CTSF: variants seen among roughly 807,000 people sequenced by gnomAD.
CTSF encodes the protein cathepsin F.
Under a neutral mutation model 63.5 loss-of-function variants are expected in CTSF, and 65 were observed. The observed-to-expected ratio is 1.02, with a 90% CI of 0.84 to 1.26. The LOEUF is 1.26. CTSF is among the 50% of genes most tolerant of loss of function. The pLI, the probability that CTSF is intolerant of heterozygous loss-of-function variation, is 0.00. For missense variants in CTSF, 641 were observed against 631.0 expected (o/e 1.02, Z -0.17); for synonymous variants, 256 against 258.1 (o/e 0.99, Z 0.08).
rs746980424 is a variant in CTSF at position 66,564,139 on chromosome 11, G to T, written c.1329C>A (p.Asp443Glu). 1.2e-6 allele frequency: 2 copies of T among 1,611,692 alleles called. No individual in the cohort carries two copies. Among genetic ancestry groups the T allele is most frequent in the Admixed American group, 3.4e-5 (2 of 59,590 alleles). The change falls in exon 12 of 13, where the codon GAC (aspartate) becomes GAA (glutamate). Residue 443 changes from aspartate (D) to glutamate (E), a missense_variant. Transcript: ENST00000310325. Reference protein sequence around the residue: ...VLLVGYGNRSDVPFWAIKNSW... With the variant: ...VLLVGYGNRSEVPFWAIKNSW... ...TGTTCTTGATGGCCCAAAAGGGAAC[G>T]TCAGAGCCTGGGGTGCAGTGCAGAG...
intron 4 of CTSF, among the ~76,000 whole-genome samples, chr11:66,566,853 A>G (rs1018289423): frequency 6.6e-6 from 1 of 151,796 alleles, no homozygotes; most frequent in African/African-American, 2.4e-5. Context: ...CCTCCCGAGT[A>G]GCTGGTATAC....
At position 66,564,741 on chromosome 11, in the gene CTSF, C is replaced by T. The variant is rs1405242098; in HGVS notation, c.1230+1G>A. On this transcript the variant is annotated splice_donor_variant, in intron 10 of 12. Transcript: ENST00000310325. LOFTEE classifies it high-confidence loss of function. ...CAGGGGCAGTGGGGCTAGGGCCTCACCTGCATGCCAAAGGCATTGATGGCC... is the reference window on the plus strand; with the variant it reads ...CAGGGGCAGTGGGGCTAGGGCCTCATCTGCATGCCAAAGGCATTGATGGCC... The T allele has an allele frequency of 6.2e-7, 1 of 1,614,014 alleles. No individual in the cohort carries two copies. The highest frequency in any genetic ancestry group is 1.1e-5 in the South Asian group (1 of 91,092).
At chr11:66,567,216 G>A in intron 4 of CTSF, 30 bp downstream of exon 4, 1 of 1,611,838 alleles carries the variant, frequency 6.2e-7, no homozygotes, top group Non-Finnish European at 8.5e-7. Flanking sequence ...GTTCTGATAG[G>A]AACAGGTACA....
chr11:66,565,765 G>A lies in CTSF; in HGVS notation c.965-14C>T. On this transcript the variant is annotated splice_polypyrimidine_tract_variant and intron_variant, in intron 7 of 12. Coordinates refer to ENST00000310325, the MANE Select transcript of CTSF (RefSeq NM_003793.4). ...AGTCCAAGAGCTCTAGGAGACAGAA[G>A]GCTGGTCCCAAGAAGCCCTCCTGAG... The A allele has an allele frequency of 3.1e-6, 5 of 1,613,940 alleles. No individual in the cohort carries two copies. Among genetic ancestry groups the A allele is most frequent in the Non-Finnish European group, 4.2e-6 (5 of 1,180,046 alleles).
rs775450020 is a variant in CTSF, at chr11:66,564,022, G to A, written c.1381-15C>T. On this transcript the variant is annotated splice_polypyrimidine_tract_variant and intron_variant, in intron 12 of 12. Coordinates refer to ENST00000310325, the MANE Select transcript of CTSF (RefSeq NM_003793.4). ...TAGTAGTAACCCTGGGGGAGAGGGG[G>A]AGCTGGTGAGGGCACCAGGGTAGGA... 2.5e-6 allele frequency: 4 copies of A among 1,613,958 alleles called. No individual in the cohort carries two copies. The highest frequency in any genetic ancestry group is 2.2e-5 in the South Asian group (2 of 91,084).
rs747319145 is a variant in CTSF at position 66,563,893 on chromosome 11, C to T, written c.*40G>A. 162 of 1,610,062 alleles carry T rather than the reference C, an allele frequency of 1.0e-4. No homozygotes were observed. Among genetic ancestry groups the T allele is most frequent in the Non-Finnish European group, 1.3e-4 (149 of 1,179,292 alleles). Reference sequence around the variant, plus strand: ...ACACATGTCAGGCTGGGGCAGCAGCCACTCTGATCAGCACCAGGTCCCGAG... The same window carrying T: ...ACACATGTCAGGCTGGGGCAGCAGCTACTCTGATCAGCACCAGGTCCCGAG... On this transcript the variant is annotated 3_prime_UTR_variant, in exon 13 of 13. Coordinates refer to ENST00000310325, the MANE Select transcript of CTSF (RefSeq NM_003793.4).
In CTSF at chr11:66,565,105, G is replaced by A; in HGVS notation, c.1046-99C>T. On this transcript the variant is annotated intron_variant, in intron 8 of 12. Transcript: ENST00000310325. ...CTCTACGCGAGGTTTCACATTCCTC[G>A]TCCACCCCAGGCCACAGGCCATCCC... is the stretch of plus-strand genomic sequence containing the variant. The A allele has an allele frequency of 4.7e-6, 7 of 1,490,542 alleles. No individual in the cohort carries two copies. In the South Asian group the frequency reaches 6.9e-5, roughly 15 times the overall value. 92.3% of individuals were successfully genotyped at this position (1,490,542 alleles called of 1,614,324 possible). A position where few individuals can be genotyped will look rare whatever the true frequency, so the allele number is the denominator to read the frequency against.
Position 66,568,356 on chromosome 11 carries a change from C to T in CTSF, c.131G>A (p.Arg44His), listed in dbSNP as rs1269462520. Residue 44 changes from arginine to histidine, a missense_variant, in exon 1 of 13, where the codon CGC becomes CAC. Physicochemically the swap from Arg to His is conservative, Grantham distance 29. Transcript: ENST00000310325. Reference protein sequence around the residue: ...PPSPELLAPTRFALEMFNRGR... With the variant: ...PPSPELLAPTHFALEMFNRGR... ...GCGGTTGAACATCTCCAGCGCGAAGCGGGTGGGCGCCAGCAGCTCCGGGGA... is the reference window on the plus strand; with the variant it reads ...GCGGTTGAACATCTCCAGCGCGAAGTGGGTGGGCGCCAGCAGCTCCGGGGA... The T allele has an allele frequency of 9.2e-6, 12 of 1,305,106 alleles. No individual in the cohort carries two copies. The highest frequency in any genetic ancestry group is 1.2e-5 in the Non-Finnish European group (12 of 1,035,494). The allele number at this position is 1,305,106 out of a possible 1,614,324, so 80.8% of individuals were successfully genotyped here. A position where few individuals can be genotyped will look rare whatever the true frequency, so the allele number is the denominator to read the frequency against.
chr11:66,565,773 C>A (rs1312631608), intron 7 of CTSF, 22 bp from the exon 8 acceptor site: 1 of 1,613,906 alleles, frequency 6.2e-7, no homozygotes, highest in Non-Finnish European at 8.5e-7. Flanking sequence ...AAGGCTGGTC[C>A]CAAGAAGCCC....
In CTSF at chr11:66,568,545, C is replaced by T. The variant is rs976073100; in HGVS notation, c.-59G>A. On this transcript the variant is annotated 5_prime_UTR_variant, in exon 1 of 13. Coordinates refer to ENST00000310325, the MANE Select transcript of CTSF (RefSeq NM_003793.4). ...GACGCTCCACCGACCCACCGGGTACCGAGCCCGCGGCCAGCGGGGCCTGAG... is the reference window on the plus strand; with the variant it reads ...GACGCTCCACCGACCCACCGGGTACTGAGCCCGCGGCCAGCGGGGCCTGAG... The T allele has an allele frequency of 1.8e-5, 27 of 1,461,754 alleles. No homozygotes were observed. The highest frequency in any genetic ancestry group is 2.6e-5 in the South Asian group (2 of 76,878). 90.5% of individuals were successfully genotyped at this position (1,461,754 alleles called of 1,614,324 possible). A position where few individuals can be genotyped will look rare whatever the true frequency, so the allele number is the denominator to read the frequency against.
In CTSF at chr11:66,567,593, C is replaced by T. The variant is rs771061622; in HGVS notation, c.382G>A (p.Asp128Asn). 7 of 1,614,224 alleles carry T rather than the reference C, an allele frequency of 4.3e-6. No individual in the cohort carries two copies. The highest frequency in any genetic ancestry group is 5.1e-6 in the Non-Finnish European group (6 of 1,180,038). The change falls in exon 3 of 13, where the codon GAC becomes AAC. Residue 128 changes from aspartate (D) to asparagine (N), a missense_variant. Physicochemically the swap from Asp to Asn is conservative, Grantham distance 23. Coordinates refer to ENST00000310325, the MANE Select transcript of CTSF (RefSeq NM_003793.4). ...VLLRKDCGPV[D>N]TKVPGAGEPK... is the part of the protein sequence containing the mutation. ...TCCCCAGCACCTGGAACCTTGGTGT[C>T]CACTGGGCCACAGTCCTTCCGCAGC...
Position 66,568,011 on chromosome 11 carries a change from G to T in CTSF, c.285C>A (p.Cys95Ter). 1 of 1,596,714 alleles carries T rather than the reference G, an allele frequency of 6.3e-7. No homozygotes were observed. Among genetic ancestry groups the T allele is most frequent in the Non-Finnish European group, 8.5e-7 (1 of 1,173,032 alleles). ...EEPPCNDPMVCRLPVSKKTLL... is the reference protein window; with the variant it reads ...EEPPCNDPMV ...GGGTTTTCTTGGACACGGGGAGCCG[G>T]CACACCATGGGGTCGTTGCAGGGTG... Residue 95 changes from cysteine to a stop codon, truncating the protein, a stop_gained, in exon 2 of 13, where the codon TGC becomes TGA. Transcript: ENST00000310325. LOFTEE classifies it high-confidence loss of function.
intron 8 of CTSF, 116 bp from the exon 9 acceptor site, chr11:66,565,122 G>T: frequency 6.8e-7 from 1 of 1,465,144 alleles, no homozygotes; most frequent in Non-Finnish European, 9.1e-7. Context: ...CCAGGCCACA[G>T]GCCATCCCCT....
chr11:66,565,560 G>A (rs1857909233), intron 8 of CTSF, 111 bp downstream of exon 8: 1 of 1,466,238 alleles, frequency 6.8e-7, no homozygotes, highest in African/African-American at 1.4e-5. Context: ...ATTAAGACCT[G>A]GACCCAGTTC....
At position 66,566,135 on chromosome 11, in the gene CTSF, G is replaced by C; in HGVS notation, c.754C>G (p.Leu252Val). 6.2e-7 allele frequency: 1 copy of C among 1,614,134 alleles called. No individual in the cohort carries two copies. The highest frequency in any genetic ancestry group is 1.1e-5 in the South Asian group (1 of 91,086). Residue 252 changes from leucine to valine, a missense_variant, in exon 6 of 13, where the codon CTC (leucine) becomes GTC (valine). Coordinates refer to ENST00000310325, the MANE Select transcript of CTSF (RefSeq NM_003793.4). ...EEFRTIYLNTLLRKEPGNKMK... is the reference protein window; with the variant it reads ...EEFRTIYLNTVLRKEPGNKMK... Reference sequence around the variant, plus strand: ...TTGTTGCCAGGCTCTTTCCTCAGGAGAGTATTCAGGTAGATAGTGCGGAAC... The same window carrying C: ...TTGTTGCCAGGCTCTTTCCTCAGGACAGTATTCAGGTAGATAGTGCGGAAC...
Position 66,567,454 on chromosome 11 carries a change from G to A in CTSF, c.521C>T (p.Pro174Leu), listed in dbSNP as rs2134954938. ...CTGAGGGCTCCTCACCTGGGACAGG[G>A]GATCCTCATTCAACAGGGAAATGAC... Reference protein sequence around the residue: ...SSVISLLNEDPLSQDLPVKMA... With the variant: ...SSVISLLNEDLLSQDLPVKMA... The change falls in exon 3 of 13, where the codon CCC becomes CTC. Residue 174 changes from proline to leucine, a missense_variant. Coordinates refer to ENST00000310325, the MANE Select transcript of CTSF (RefSeq NM_003793.4). The A allele has an allele frequency of 3.7e-6, 6 of 1,614,060 alleles. No individual in the cohort carries two copies. The highest frequency in any genetic ancestry group is 5.1e-6 in the Non-Finnish European group (6 of 1,179,976).
chr11:66,566,237 G>A (rs954969337), intron 5 of CTSF, 54 bp downstream of exon 5: 96 of 1,613,582 alleles, frequency 5.9e-5, no homozygotes, highest in African/African-American at 2.8e-4. Context: ...GAGGCCTTGC[G>A]AGCAAGGTCC....
Position 66,568,506 on chromosome 11 carries a change from G to T in CTSF, c.-20C>A. The T allele has an allele frequency of 6.7e-7, 1 of 1,482,694 alleles. No homozygotes were observed. The highest frequency in any genetic ancestry group is 1.3e-5 in the South Asian group (1 of 79,412). The allele number at this position is 1,482,694 out of a possible 1,614,324, so 91.8% of individuals were successfully genotyped here. On this transcript the variant is annotated 5_prime_UTR_variant, in exon 1 of 13. Transcript: ENST00000310325. ...CGCCATGGCGAGGGCGAAGCCGGCG[G>T]CCCGGACCCAACAGACGCTCCACCG...
In CTSF at chr11:66,568,531, G is replaced by C. The variant is rs1171621520; in HGVS notation, c.-45C>G. Reference sequence around the variant, plus strand: ...GCCCGGACCCAACAGACGCTCCACCGACCCACCGGGTACCGAGCCCGCGGC... The same window carrying C: ...GCCCGGACCCAACAGACGCTCCACCCACCCACCGGGTACCGAGCCCGCGGC... On this transcript the variant is annotated 5_prime_UTR_variant, in exon 1 of 13. Coordinates refer to ENST00000310325, the MANE Select transcript of CTSF (RefSeq NM_003793.4). 1.0e-5 allele frequency: 15 copies of C among 1,476,952 alleles called. No homozygotes were observed. Among genetic ancestry groups the C allele is most frequent in the South Asian group, 1.3e-5 (1 of 78,840 alleles). The allele number at this position is 1,476,952 out of a possible 1,614,324, so 91.5% of individuals were successfully genotyped here.
Sources: gnomAD v4.1 joint callset for allele counts (sites outside exome capture counted in the v4.1 genomes callset) on GRCh38, gnomAD v4.1.1 for gene constraint, MANE v1.5 for transcripts, NCBI Gene and HGNC (gene_info 2026-07-23, HGNC 2026-07-21) for gene names.